Variants in USP39 observed in about 807,000 individuals in gnomAD.
USP39 encodes the protein ubiquitin carboxyl-terminal hydrolase 39.
Under a neutral mutation model 66.4 loss-of-function variants are expected in USP39, and 38 were observed. That is an observed-to-expected ratio of 0.57 (90% CI 0.44 to 0.75). The LOEUF is 0.75. Among genes scored for constraint, USP39 ranks in the 30% least tolerant of loss-of-function variants. USP39 has a pLI of 0.00. For synonymous variants in USP39, 303 were observed against 274.6 expected (o/e 1.10, Z -1.02); for missense variants, 608 against 714.4 (o/e 0.85, Z 1.70).
At chr2:85,639,518 G>C in intron 9 of USP39, 127 bp downstream of exon 9, 1 of 962,504 alleles carries the variant, frequency 1.0e-6, no homozygotes. Context: ...GCAGTGGCGT[G>C]ATTTCGGCTG....
chr2:85,614,975 A>C (rs1212425288), upstream of USP39, among the ~76,000 whole-genome samples: 1 of 130,488 alleles, frequency 7.7e-6, no homozygotes, highest in Admixed American at 7.9e-5. Flanking sequence ...AGTAAATTGC[A>C]CACAGTGTGG....
At chr2:85,614,978 CAGTGTGGTGT>C (rs1291059095), upstream of USP39, among the ~76,000 whole-genome samples, 6 of 119,626 alleles carry the variant, frequency 5.0e-5, no homozygotes, top group African/African-American at 2.4e-4. Flanking sequence ...AAATTGCACA[CAGTGTGGTGT>C]GGTGTGGTGT....
At chr2:85,612,181 T>A, upstream of USP39, 2 of 971,430 alleles carry the variant, frequency 2.1e-6, no homozygotes, top group Non-Finnish European at 3.0e-6. Flanking sequence ...AGGGTATGCT[T>A]GACTTCCACC....
At chr2:85,621,688 T>A (rs146354122) in intron 3 of USP39, 109 bp downstream of exon 3, 3 of 884,404 alleles carry the variant, frequency 3.4e-6, no homozygotes, top group East Asian at 2.6e-5. Context: ...TTTCTATTTG[T>A]TCCCAGGAAA....
chr2:85,637,363 G>T lies in USP39; in HGVS notation c.1028-6G>T, dbSNP rs747219491. The T allele has an allele frequency of 3.1e-6, 5 of 1,614,014 alleles. No individual in the cohort carries two copies. The African/African-American group carries it at 6.7e-5, about 22-fold the overall frequency. On this transcript the variant is annotated splice_polypyrimidine_tract_variant and splice_region_variant and intron_variant, in intron 7 of 12. Transcript: ENST00000323701. ...GGAATTTGTCTCTTGCTTCCTGTTT[G>T]TGCAGCTATTGTGACTGATGTTTTC...
chr2:85,648,874 T>A lies in USP39; in HGVS notation c.*66T>A. On this transcript the variant is annotated 3_prime_UTR_variant, in exon 13 of 13. Coordinates refer to ENST00000323701, the MANE Select transcript of USP39 (RefSeq NM_006590.4). ...TGATGGTAAATAAGAACACAGAAGC[T>A]GTAGCTGAACACAGGCTGGCTGGTG... 6.3e-7 allele frequency: 1 copy of A among 1,596,632 alleles called. No homozygotes were observed.
chr2:85,611,365 C>T (rs145110712), upstream of USP39: 25 of 1,446,392 alleles, frequency 1.7e-5, no homozygotes, highest in East Asian at 6.0e-4. Context: ...CTGTGCCAGA[C>T]TTTCTCTTTG....
upstream of USP39, chr2:85,609,037 C>T (rs768311573): frequency 9.3e-6 from 15 of 1,614,240 alleles, no homozygotes; most frequent in South Asian, 6.6e-5. Context: ...TGTGCCGACA[C>T]CTTCTCACTC....
At chr2:85,644,664 C>G (rs1676505274) in intron 10 of USP39, among the ~76,000 whole-genome samples, 1 of 152,030 alleles carries the variant, frequency 6.6e-6, no homozygotes, top group Admixed American at 6.6e-5. Context: ...CTCAAGCAGT[C>G]CTCCTACCTT....
chr2:85,627,393 C>T (rs1674955828), intron 5 of USP39, among the ~76,000 whole-genome samples: 1 of 152,088 alleles, frequency 6.6e-6, no homozygotes, highest in South Asian at 2.1e-4. Context: ...CCATGCCCAG[C>T]CAATTTTTAA....
chr2:85,611,827 G>A (rs781319913), upstream of USP39: 28 of 1,605,288 alleles, frequency 1.7e-5, 1 homozygote, highest in East Asian at 5.6e-4. Context: ...GTCGGGCCGG[G>A]CCAGGCCAGG....
At chr2:85,611,744 C>T (rs201305562), upstream of USP39, 1 of 1,611,402 alleles carries the variant, frequency 6.2e-7, no homozygotes, top group African/African-American at 1.3e-5. Context: ...GCCTCCTCAC[C>T]TTCTCCTTGG....
upstream of USP39, chr2:85,611,191 G>A (rs920700473): frequency 7.3e-6 from 8 of 1,100,388 alleles, no homozygotes; most frequent in South Asian, 1.2e-4. Context: ...CTGGGCGACA[G>A]AGACCTAGTC....
chr2:85,632,362 A>G (rs112160405), intron 6 of USP39, among the ~76,000 whole-genome samples: 2,079 of 152,120 alleles, frequency 0.014, 10 homozygotes, highest in Non-Finnish European at 0.021. Flanking sequence ...TCAAGGCTAC[A>G]GTGAGCTATG....
upstream of USP39, among the ~76,000 whole-genome samples, chr2:85,613,918 A>T (rs1280081317): frequency 6.6e-6 from 1 of 151,808 alleles, no homozygotes; most frequent in African/African-American, 2.4e-5. Flanking sequence ...GCATGCCACC[A>T]TGCCCAGCTA....
upstream of USP39, among the ~76,000 whole-genome samples, chr2:85,615,597 G>A (rs1256778758): frequency 6.6e-6 from 1 of 152,128 alleles, no homozygotes. Context: ...ACGACCTCAC[G>A]GTGGTGGTTT....
At chr2:85,609,460 T>TCTC (rs1275622532), upstream of USP39, 1 of 1,614,198 alleles carries the variant, frequency 6.2e-7, no homozygotes, top group East Asian at 2.2e-5. Flanking sequence ...TGATGTGACC[T>TCTC]CTCCACTGTC....
intron 5 of USP39, among the ~76,000 whole-genome samples, chr2:85,626,591 C>T (rs1448982828): frequency 6.6e-6 from 1 of 152,178 alleles, no homozygotes; most frequent in Non-Finnish European, 1.5e-5. Flanking sequence ...AAGTAAGAAA[C>T]ATGCCAGATG....
chr2:85,607,431 G>C (rs1162081675), upstream of USP39: 3 of 152,300 alleles, frequency 2.0e-5, no homozygotes, highest in East Asian at 5.8e-4. Context: ...ACTGAGCCCA[G>C]GATTGGTAAG....
Sources: allele counts gnomAD v4.1 joint callset (sites outside exome capture counted in the v4.1 genomes callset), GRCh38; gene constraint gnomAD v4.1.1; transcripts MANE v1.5; gene names NCBI Gene and HGNC (gene_info 2026-07-23, HGNC 2026-07-21).